The following DCAF6 variants were observed in gnomAD, a reference collection of about 807,000 sequenced individuals.
DCAF6 encodes DDB1 and CUL4 associated factor 6.
In DCAF6, 54 loss-of-function variants were observed where a neutral mutation model predicts 125.1. The observed-to-expected ratio is 0.43, with a 90% CI of 0.35 to 0.54. DCAF6 has a LOEUF of 0.54. Among genes scored for constraint, DCAF6 ranks in the 20% least tolerant of loss-of-function variants. The pLI is 0.01. For synonymous variants in DCAF6, 371 were observed against 390.4 expected (o/e 0.95, Z 0.58); for missense variants, 934 against 1,161.7 (o/e 0.80, Z 2.85).
intron 10 of DCAF6, among the ~76,000 whole-genome samples, chr1:168,014,969 C>T (rs1350799283): frequency 6.6e-6 from 1 of 152,166 alleles, no homozygotes; most frequent in Non-Finnish European, 1.5e-5. Context: ...AGCAGTTATC[C>T]CCACGTGACA....
At chr1:167,944,463 T>C (rs1369119990) in intron 1 of DCAF6, among the ~76,000 whole-genome samples, 1 of 152,208 alleles carries the variant, frequency 6.6e-6, no homozygotes, top group African/African-American at 2.4e-5. Flanking sequence ...TTTTTTCACA[T>C]GATAACCAAC....
the DCAF6 span, chr1:167,901,815 G>C: frequency 1.2e-6 from 2 of 1,614,060 alleles, no homozygotes; most frequent in Admixed American, 1.7e-5. Flanking sequence ...CCTTCAGAGA[G>C]AGACATGCCG....
intron 4 of DCAF6, among the ~76,000 whole-genome samples, chr1:167,977,938 T>C (rs1410436071): frequency 6.6e-6 from 1 of 152,208 alleles, no homozygotes; most frequent in African/African-American, 2.4e-5. Context: ...GTTTTCTGTT[T>C]TTTCTAATAC....
chr1:167,984,387 ATAATT>A (rs1193342642), intron 4 of DCAF6, among the ~76,000 whole-genome samples: 3 of 152,198 alleles, frequency 2.0e-5, no homozygotes, highest in Non-Finnish European at 2.9e-5. Flanking sequence ...ACATGTTTTA[ATAATT>A]TAATTTTATA....
intron 12 of DCAF6, among the ~76,000 whole-genome samples, chr1:168,029,605 A>G (rs1686792274): frequency 2.0e-5 from 3 of 152,168 alleles, no homozygotes; most frequent in African/African-American, 7.2e-5. Flanking sequence ...AATTTACTTA[A>G]TCCTTACCAC....
At chr1:167,890,944 CATTT>C in the DCAF6 span, among the ~76,000 whole-genome samples, 1 of 152,110 alleles carries the variant, frequency 6.6e-6, no homozygotes, top group Non-Finnish European at 1.5e-5. Context: ...CCTCATCCAA[CATTT>C]ATTTATTTAT....
At chr1:167,906,969 CTTT>C in the DCAF6 span, among the ~76,000 whole-genome samples, 1 of 152,102 alleles carries the variant, frequency 6.6e-6, no homozygotes. Flanking sequence ...TACCATACAC[CTTT>C]TCTTTTGTTT....
chr1:167,968,150 C>T (rs1215731550), intron 3 of DCAF6, among the ~76,000 whole-genome samples: 3 of 152,028 alleles, frequency 2.0e-5, no homozygotes, highest in East Asian at 1.9e-4. Context: ...TTGTATCAGT[C>T]GGGTTCTAGT....
At chr1:167,914,055 G>A in the DCAF6 span, 1 of 152,298 alleles carries the variant, frequency 6.6e-6, no homozygotes, top group Non-Finnish European at 1.5e-5. Context: ...GACAGGAGAG[G>A]AGGCCGGGTG....
chr1:168,013,159 A>T (rs1684524181), intron 10 of DCAF6, among the ~76,000 whole-genome samples: 1 of 152,196 alleles, frequency 6.6e-6, no homozygotes, highest in Non-Finnish European at 1.5e-5. Context: ...GTCTGTACCT[A>T]CCTGAAAAGA....
At chr1:168,061,684 TAA>T (rs751721398) in intron 17 of DCAF6, among the ~76,000 whole-genome samples, 2 of 152,208 alleles carry the variant, frequency 1.3e-5, no homozygotes, top group African/African-American at 2.4e-5. Context: ...TTACATATTT[TAA>T]GTTTTTCTGT....
At chr1:167,894,896 C>G in the DCAF6 span, among the ~76,000 whole-genome samples, 1 of 152,074 alleles carries the variant, frequency 6.6e-6, no homozygotes, top group Non-Finnish European at 1.5e-5. Context: ...ATCAGAATTG[C>G]ACTGCAGGCC....
intron 17 of DCAF6, among the ~76,000 whole-genome samples, chr1:168,051,623 A>G (rs1689951564): frequency 6.6e-6 from 1 of 152,236 alleles, no homozygotes; most frequent in Admixed American, 6.5e-5. Flanking sequence ...AACATGAAAC[A>G]TATAGCAACA....
At chr1:167,899,560 C>T in the DCAF6 span, 14 of 1,614,190 alleles carry the variant, frequency 8.7e-6, no homozygotes, top group Non-Finnish European at 1.1e-5. Context: ...ACTGCCTGAC[C>T]AATCACCAGA....
chr1:167,991,417 TTTC>T, intron 6 of DCAF6, 78 bp downstream of exon 6: 3 of 1,383,064 alleles, frequency 2.2e-6, no homozygotes, highest in South Asian at 3.3e-5. Flanking sequence ...AGTTTTAAAA[TTTC>T]TTGTTTGTTA....
chr1:167,994,595 T>C (rs945322986), intron 7 of DCAF6, among the ~76,000 whole-genome samples: 1 of 152,156 alleles, frequency 6.6e-6, no homozygotes, highest in African/African-American at 2.4e-5. Flanking sequence ...ATGAATTACT[T>C]TCACAAGACT....
intron 12 of DCAF6, among the ~76,000 whole-genome samples, chr1:168,033,898 A>G (rs559177563): frequency 6.6e-6 from 1 of 152,344 alleles, no homozygotes; most frequent in South Asian, 2.1e-4. Context: ...TTTTTTCCCC[A>G]CTATATTGTG....
chr1:167,899,517 T>C, the DCAF6 span: 1 of 1,614,254 alleles, frequency 6.2e-7, no homozygotes, highest in Non-Finnish European at 8.5e-7. Context: ...ATCATTCATC[T>C]GAGCCATGTT....
the DCAF6 span, chr1:167,878,510 T>C: frequency 1.9e-5 from 31 of 1,614,024 alleles, no homozygotes; most frequent in Non-Finnish European, 2.6e-5. Context: ...TTCATAACTT[T>C]CTTTGGAAGC....
Sources: allele counts gnomAD v4.1 joint callset (sites outside exome capture counted in the v4.1 genomes callset), GRCh38; gene constraint gnomAD v4.1.1; transcripts MANE v1.5; gene names NCBI Gene and HGNC (gene_info 2026-07-23, HGNC 2026-07-21).